Variants in SIL1 observed in about 807,000 individuals in gnomAD.
SIL1 encodes nucleotide exchange factor SIL1.
SIL1 carries 40 observed loss-of-function variants against 49.1 expected under a neutral mutation model. The observed-to-expected ratio is 0.81, with a 90% confidence interval of 0.63 to 1.06. The LOEUF (loss-of-function observed/expected upper bound fraction) is 1.06. Ranked by LOEUF, SIL1 falls within the 50% of genes least tolerant of loss-of-function variation. The pLI is 0.00. For synonymous variants in SIL1, 253 were observed against 250.8 expected (o/e 1.01, Z -0.08); for missense variants, 500 against 572.6 (o/e 0.87, Z 1.29).
intron 1 of SIL1, among the ~76,000 whole-genome samples, chr5:139,164,208 C>T (rs760177424): frequency 2.6e-5 from 4 of 151,890 alleles, no homozygotes; most frequent in Non-Finnish European, 4.4e-5. Context: ...CCAAAGGCCA[C>T]GCAACATGTA....
At chr5:139,188,607 G>A (rs1175810697) in intron 1 of SIL1, among the ~76,000 whole-genome samples, 1 of 152,204 alleles carries the variant, frequency 6.6e-6, no homozygotes, top group Non-Finnish European at 1.5e-5. Flanking sequence ...GTCAACTTGA[G>A]CACAAAATCT....
chr5:138,965,861 G>A (rs932796148), intron 7 of SIL1, among the ~76,000 whole-genome samples: 1 of 151,650 alleles, frequency 6.6e-6, no homozygotes, highest in African/African-American at 2.4e-5. Flanking sequence ...CCATGAGAGT[G>A]CTTTATTGAC....
intron 1 of SIL1, among the ~76,000 whole-genome samples, chr5:139,152,088 T>C (rs971139727): frequency 1.3e-5 from 2 of 151,968 alleles, no homozygotes; most frequent in Non-Finnish European, 2.9e-5. Context: ...GCAGCAGAGG[T>C]GGGAGCAGCA....
intron 4 of SIL1, among the ~76,000 whole-genome samples, chr5:139,043,893 A>G (rs755671225): frequency 6.6e-6 from 1 of 152,184 alleles, no homozygotes; most frequent in Non-Finnish European, 1.5e-5. Context: ...AGGATTCCAT[A>G]TATCCTGGAA....
At chr5:139,106,040 T>C (rs1400199077) in intron 3 of SIL1, among the ~76,000 whole-genome samples, 1 of 151,798 alleles carries the variant, frequency 6.6e-6, no homozygotes, top group Admixed American at 6.6e-5. Flanking sequence ...GACGCAGGAG[T>C]GGGGAAGGCC....
intron 3 of SIL1, among the ~76,000 whole-genome samples, chr5:139,100,787 A>G (rs1347739741): frequency 6.6e-6 from 1 of 152,116 alleles, no homozygotes; most frequent in Non-Finnish European, 1.5e-5. Flanking sequence ...AATTAAAGGG[A>G]TAGAATAGCC....
chr5:139,009,291 C>CT (rs1307084426), intron 7 of SIL1, among the ~76,000 whole-genome samples: 1 of 125,944 alleles, frequency 7.9e-6, no homozygotes, highest in Non-Finnish European at 1.7e-5. Flanking sequence ...CAACCCCTGC[C>CT]TTTTTTTGTT....
chr5:139,191,338 A>C (rs1752164070), intron 1 of SIL1, among the ~76,000 whole-genome samples: 1 of 152,072 alleles, frequency 6.6e-6, no homozygotes. Flanking sequence ...ATGGCCAATC[A>C]ATGTTGTCTG....
intron 9 of SIL1, among the ~76,000 whole-genome samples, chr5:138,949,773 T>A (rs1580974290): frequency 8.0e-6 from 1 of 125,224 alleles, no homozygotes. Context: ...ATCGTGCCAC[T>A]GGGTGACAGA....
intron 1 of SIL1, among the ~76,000 whole-genome samples, chr5:139,142,533 A>G (rs909558590): frequency 1.3e-5 from 2 of 152,218 alleles, no homozygotes; most frequent in African/African-American, 4.8e-5. Context: ...GAATGAAGGA[A>G]AAAAACCACA....
intron 7 of SIL1, among the ~76,000 whole-genome samples, chr5:138,954,555 A>AG (rs1251287296): frequency 6.6e-6 from 1 of 152,232 alleles, no homozygotes; most frequent in Non-Finnish European, 1.5e-5. Flanking sequence ...GCAGAGGAAG[A>AG]GGGGGAAGAT....
At position 138,947,733 on chromosome 5, in the gene SIL1, T is replaced by C. The variant is rs1766668274; in HGVS notation, c.1030-260A>G. The stretch of plus-strand genomic sequence containing the variant: ...TCTTACCCTCAAGGAGCTTAAGGTC[T>C]AGCAGGAGAATAAAAATTAACTAAT... On this transcript the variant is annotated intron_variant, in intron 9 of 9. Coordinates refer to ENST00000394817, the MANE Select transcript of SIL1 (RefSeq NM_022464.5). This position sits in a 1 kb window ranked among gnomAD's most constrained non-coding sequence, Gnocchi z 4.1. Among the ~76,000 whole-genome samples the C allele has an allele frequency of 6.6e-6, 1 of 152,228 alleles. No homozygotes were observed. The highest frequency in any genetic ancestry group is 2.1e-4 in the South Asian group (1 of 4,836).
chr5:139,074,651 C>G (rs944476331), intron 3 of SIL1, among the ~76,000 whole-genome samples: 1 of 152,054 alleles, frequency 6.6e-6, no homozygotes, highest in African/African-American at 2.4e-5. Flanking sequence ...CCTCAAGGAT[C>G]GCACAGTGAA....
At chr5:139,098,060 C>A (rs1327816800) in intron 3 of SIL1, among the ~76,000 whole-genome samples, 1 of 152,098 alleles carries the variant, frequency 6.6e-6, no homozygotes, top group Non-Finnish European at 1.5e-5. Flanking sequence ...ATTAAAATAC[C>A]AATGACATTC....
In SIL1 at chr5:138,951,201, G is replaced by A; in HGVS notation, c.999C>T (p.Val333=). ...KGTEVLAVRV[V]TLLYDLVTEK... Reference sequence around the variant, plus strand: ...CCGTGACCAGGTCGTAGAGCAGTGTGACCACGCGCACGGCGAGCACCTCCG... The same window carrying A: ...CCGTGACCAGGTCGTAGAGCAGTGTAACCACGCGCACGGCGAGCACCTCCG... Residue 333 remains valine, a synonymous_variant, in exon 9 of 10, where the codon GTC becomes GTT. Transcript: ENST00000394817. 6.2e-7 allele frequency: 1 copy of A among 1,611,152 alleles called. No individual in the cohort carries two copies. Among genetic ancestry groups the A allele is most frequent in the Non-Finnish European group, 8.5e-7 (1 of 1,178,726 alleles).
intron 1 of SIL1, among the ~76,000 whole-genome samples, chr5:139,129,866 A>C (rs962463031): frequency 6.6e-6 from 1 of 152,216 alleles, no homozygotes; most frequent in Non-Finnish European, 1.5e-5. Context: ...ACAAAAGAAA[A>C]ATAGATATAT....
intron 1 of SIL1, among the ~76,000 whole-genome samples, chr5:139,171,355 A>G (rs1035137380): frequency 3.3e-5 from 5 of 152,204 alleles, no homozygotes; most frequent in African/African-American, 1.2e-4. Context: ...GTTCTGTACT[A>G]AGAAAAATTC....
chr5:138,957,721 T>C (rs866817159), intron 7 of SIL1, among the ~76,000 whole-genome samples: 1 of 152,202 alleles, frequency 6.6e-6, no homozygotes, highest in Non-Finnish European at 1.5e-5. Flanking sequence ...TTTTTTAAAA[T>C]ATTTGAGAGT....
intron 2 of SIL1, among the ~76,000 whole-genome samples, chr5:139,122,491 C>T (rs1046288270): frequency 7.9e-5 from 12 of 151,706 alleles, no homozygotes; most frequent in African/African-American, 2.9e-4. Context: ...GCTACTTGGG[C>T]GGCTGAGGCA....
Sources: gnomAD v4.1 joint callset for allele counts (sites outside exome capture counted in the v4.1 genomes callset) on GRCh38, gnomAD v4.1.1 for gene constraint, Gnocchi (gnomAD v3.1) non-coding constraint, MANE v1.5 for transcripts, NCBI Gene and HGNC (gene_info 2026-07-23, HGNC 2026-07-21) for gene names.